ANO1: variants seen among roughly 807,000 people sequenced by gnomAD.
ANO1 encodes the protein anoctamin 1.
In ANO1, 59 loss-of-function variants were observed where a neutral mutation model predicts 124.0. The ratio of observed to expected loss-of-function variants is 0.48; its 90% CI spans 0.39 to 0.59. The LOEUF (loss-of-function observed/expected upper bound fraction) is 0.59. Ranked by LOEUF, ANO1 falls within the 20% of genes least tolerant of loss-of-function variation. The pLI is 0.00. For synonymous variants in ANO1, 529 were observed against 532.0 expected (o/e 0.99, Z 0.08); for missense variants, 1,059 against 1,328.0 (o/e 0.80, Z 3.15).
intron 22 of ANO1, among the ~76,000 whole-genome samples, chr11:70,174,363 T>C (rs954919826): frequency 5.3e-5 from 8 of 151,628 alleles, no homozygotes; most frequent in Middle Eastern, 6.8e-3. Flanking sequence ...ACCACTGCAC[T>C]CCAGCCTGGG....
rs377253235 is a variant in ANO1 at position 70,105,721 on chromosome 11, G to A, written c.693-13G>A. The A allele has an allele frequency of 3.0e-5, 49 of 1,612,944 alleles. No individual in the cohort carries two copies. The highest frequency in any genetic ancestry group is 1.7e-4 in the Middle Eastern group (1 of 6,008). ...GTGAACTGTGTCTTGTTTCCTTCCC[G>A]ATATTTCCACAGATTTGACTTGTCT... On this transcript the variant is annotated splice_polypyrimidine_tract_variant and intron_variant, in intron 4 of 25. Transcript: ENST00000355303.
intron 1 of ANO1, among the ~76,000 whole-genome samples, chr11:70,079,409 A>G (rs1403027335): frequency 6.6e-6 from 1 of 152,010 alleles, no homozygotes. Context: ...GAAGCCAGTC[A>G]TGTAAGTTGG....
Position 70,170,882 on chromosome 11 carries a change from T to C in ANO1, c.2198-5T>C. ...GTGCTGACTAGCACTGGGCTCTCTC[T>C]GCAGTCATCCAGTTTGGCTTCGTCA... On this transcript the variant is annotated splice_polypyrimidine_tract_variant and splice_region_variant and intron_variant, in intron 21 of 25. Transcript: ENST00000355303. The C allele has an allele frequency of 6.2e-7, 1 of 1,612,730 alleles. No individual in the cohort carries two copies. Among genetic ancestry groups the C allele is most frequent in the Non-Finnish European group, 8.5e-7 (1 of 1,179,444 alleles).
intron 1 of ANO1, among the ~76,000 whole-genome samples, chr11:70,049,809 C>G (rs1350259983): frequency 6.6e-6 from 1 of 152,156 alleles, no homozygotes; most frequent in Admixed American, 6.5e-5. Context: ...CAACCTCCAC[C>G]TCCCTGGTTC....
chr11:70,126,430 G>A (rs2046513671), intron 10 of ANO1, among the ~76,000 whole-genome samples: 1 of 152,232 alleles, frequency 6.6e-6, no homozygotes, highest in Non-Finnish European at 1.5e-5. Flanking sequence ...TAAGAGAAAG[G>A]CATAAAAGAA....
At chr11:70,019,585 T>G (rs146561542) in intron 1 of ANO1, among the ~76,000 whole-genome samples, 23 of 152,106 alleles carry the variant, frequency 1.5e-4, no homozygotes, top group African/African-American at 5.5e-4. Flanking sequence ...AAGTATGCAT[T>G]CAGTGACATC....
At chr11:70,009,898 T>G (rs901887449) in intron 1 of ANO1, among the ~76,000 whole-genome samples, 3 of 152,044 alleles carry the variant, frequency 2.0e-5, no homozygotes, top group African/African-American at 7.2e-5. Flanking sequence ...CTGCACCCAA[T>G]GTGTAGTCTT....
intron 1 of ANO1, among the ~76,000 whole-genome samples, chr11:70,014,647 T>C (rs1433130289): frequency 6.6e-6 from 1 of 152,064 alleles, no homozygotes; most frequent in Non-Finnish European, 1.5e-5. Flanking sequence ...GGAACACTCC[T>C]GTTGAGAGTA....
chr11:70,051,632 TGTGTCTTTTGAG>T (rs1460164808), intron 1 of ANO1, among the ~76,000 whole-genome samples: 2 of 152,262 alleles, frequency 1.3e-5, no homozygotes, highest in African/African-American at 2.4e-5. Context: ...GGTTTTACGC[TGTGTCTTTTGAG>T]GACTAATGCT....
chr11:70,182,462 C>T, intron 23 of ANO1, 40 bp from the exon 24 acceptor site: 1 of 1,458,380 alleles, frequency 6.9e-7, no homozygotes, highest in South Asian at 1.5e-5. Context: ...CTTCTGCGCC[C>T]AGGCTGGGGG....
At chr11:69,983,001 A>C (rs1591014920), upstream of ANO1, among the ~76,000 whole-genome samples, 2 of 152,270 alleles carry the variant, frequency 1.3e-5, no homozygotes, top group African/African-American at 4.8e-5. Flanking sequence ...AGAGAAGGTC[A>C]ATGAGGAAAG....
At chr11:70,152,338 A>AC in intron 12 of ANO1, 112 bp from the exon 13 acceptor site, 1 of 713,596 alleles carries the variant, frequency 1.4e-6, no homozygotes, top group Non-Finnish European at 2.0e-6. Flanking sequence ...CCATCTCAAA[A>AC]AAAAAAAAAA....
chr11:70,162,612 A>G (rs150347657), intron 18 of ANO1, among the ~76,000 whole-genome samples: 2 of 48,274 alleles, frequency 4.1e-5, no homozygotes, highest in African/African-American at 1.5e-4. Flanking sequence ...CCCCACCCCC[A>G]CCACCACTCC....
At chr11:70,014,265 C>T (rs1555001551) in intron 1 of ANO1, among the ~76,000 whole-genome samples, 1 of 85,008 alleles carries the variant, frequency 1.2e-5, no homozygotes. Context: ...AGATTGCAAC[C>T]CCCCCACCCC....
intron 21 of ANO1, among the ~76,000 whole-genome samples, chr11:70,169,228 T>A (rs1413656844): frequency 2.6e-5 from 4 of 151,996 alleles, no homozygotes; most frequent in African/African-American, 9.7e-5. Context: ...TCCTGACGGG[T>A]TTGGACAAAG....
intron 2 of ANO1, among the ~76,000 whole-genome samples, chr11:70,095,402 GAA>G (rs1439385009): frequency 2.1e-5 from 1 of 48,334 alleles, no homozygotes; most frequent in Non-Finnish European, 5.3e-5. Context: ...AAGAAAGAAA[GAA>G]AGAAAGAAAG....
chr11:70,091,052 A>G (rs185858417), intron 2 of ANO1, among the ~76,000 whole-genome samples: 30 of 152,290 alleles, frequency 2.0e-4, no homozygotes, highest in Non-Finnish European at 1.5e-5. Flanking sequence ...GTTCTCCTGG[A>G]GAGGGGCAGA....
chr11:70,170,119 A>G (rs2048400769), intron 21 of ANO1: 2 of 435,962 alleles, frequency 4.6e-6, no homozygotes, highest in African/African-American at 4.6e-5. Context: ...CGGATCCAGG[A>G]GTCCTGATGC....
At chr11:70,175,786 G>C (rs1457735954) in intron 22 of ANO1, among the ~76,000 whole-genome samples, 1 of 152,180 alleles carries the variant, frequency 6.6e-6, no homozygotes, top group Non-Finnish European at 1.5e-5. Flanking sequence ...CCTTGGGAAA[G>C]AAACCAAGGA....
Sources: gnomAD v4.1 joint callset for allele counts (sites outside exome capture counted in the v4.1 genomes callset) on GRCh38, gnomAD v4.1.1 for gene constraint, MANE v1.5 for transcripts, NCBI Gene and HGNC (gene_info 2026-07-23, HGNC 2026-07-21) for gene names.